MRC1: variants seen among roughly 807,000 people sequenced by gnomAD.
MRC1 encodes macrophage mannose receptor 1.
MRC1 carries 62 observed loss-of-function variants against 102.9 expected under a neutral mutation model. That is an observed-to-expected ratio of 0.60 (90% CI 0.49 to 0.74). The LOEUF is 0.74. Ranked by LOEUF, MRC1 falls within the 30% of genes least tolerant of loss-of-function variation. The pLI, the probability that MRC1 is intolerant of heterozygous loss-of-function variation, is 0.00. For missense variants in MRC1, 1,237 were observed against 862.8 expected, an observed-to-expected ratio of 1.43 and a Z score of -5.43; for synonymous variants, 457 against 298.4, an observed-to-expected ratio of 1.53 and a Z score of -5.48.
At chr10:17,811,957 C>T (rs948893233) in intron 1 of MRC1, among the ~76,000 whole-genome samples, 3 of 152,238 alleles carry the variant, frequency 2.0e-5, no homozygotes, top group Admixed American at 6.5e-5. Flanking sequence ...AGGCAGGGCA[C>T]CTGCTTAGTT....
chr10:17,840,585 C>A, intron 4 of MRC1, 108 bp from the exon 5 acceptor site: 1 of 740,008 alleles, frequency 1.4e-6, no homozygotes, highest in Non-Finnish European at 2.5e-6. Context: ...ATTATTGTTA[C>A]TTCCCTCAGT....
At position 17,831,281 on chromosome 10, in the gene MRC1, T is replaced by C. The variant is rs1184299230; in HGVS notation, c.638-2394T>C. 3.3e-5 allele frequency among the ~76,000 whole-genome samples: 5 copies of C among 151,244 alleles called. 1 individual carries two copies. The highest frequency in any genetic ancestry group is 1.2e-4 in the African/African-American group (5 of 40,586). On this transcript the variant is annotated intron_variant, in intron 3 of 29. Transcript: ENST00000569591. ...CTCTATCTTCAAATATACCCCAAAT[T>C]AGTCTTATTTGAATGGTCTCACCGA...
In MRC1 at chr10:17,870,330, A is replaced by T; in HGVS notation, c.2068A>T (p.Ile690Phe). 1.3e-6 allele frequency: 1 copy of T among 780,542 alleles called. No homozygotes were observed. Among genetic ancestry groups the T allele is most frequent in the Non-Finnish European group, 2.4e-6 (1 of 417,710 alleles). 48.4% of individuals were successfully genotyped at this position (780,542 alleles called of 1,614,324 possible). A position where few individuals can be genotyped will look rare whatever the true frequency, so the allele number is the denominator to read the frequency against. ...CRALGGDLAS[I>F]NNKEEQQTIW... ...AGCTCTGGGTGGAGACTTAGCTAGC[A>T]TCAATAACAAAGAGGAACAGCAAAC... The change falls in exon 13 of 30, where the codon ATC becomes TTC. Residue 690 changes from isoleucine to phenylalanine, a missense_variant. Transcript: ENST00000569591.
chr10:17,863,825 GTTTTTTCTTTTCTTCCT>G, intron 11 of MRC1, 143 bp downstream of exon 11: 2 of 640,734 alleles, frequency 3.1e-6, no homozygotes, highest in East Asian at 2.6e-5. Context: ...TTCTCTTTTC[GTTTTTTCTTTTCTTCCT>G]TTTTTTCTTT....
In MRC1 at chr10:17,879,746, T is replaced by C; in HGVS notation, c.2644T>C (p.Tyr882His). The change falls in exon 19 of 30, where the codon TAC becomes CAC. Residue 882 changes from tyrosine (Y) to histidine (H), a missense_variant. Coordinates refer to ENST00000569591, the MANE Select transcript of MRC1 (RefSeq NM_002438.4). ...TTGGATGGATGGAAGCAAAGTGGAT[T>C]ACGTGTCTTGGGCCACAGGTGAACC... The part of the protein sequence containing the change: ...FAWMDGSKVD[Y>H]VSWATGEPNF... 1 of 780,884 alleles carries C rather than the reference T, an allele frequency of 1.3e-6. No individual in the cohort carries two copies. Among genetic ancestry groups the C allele is most frequent in the Admixed American group, 1.7e-5 (1 of 59,024 alleles). The allele number at this position is 780,884 out of a possible 1,614,324, so 48.4% of individuals were successfully genotyped here.
chr10:17,833,745 C>T lies in MRC1; in HGVS notation c.708C>T (p.Ser236=), dbSNP rs782026482. The T allele has an allele frequency of 6.8e-5, 53 of 780,942 alleles. 2 individuals are homozygous for T. The highest frequency in any genetic ancestry group is 1.1e-4 in the Non-Finnish European group (45 of 418,140). The allele number at this position is 780,942 out of a possible 1,614,324, so 48.4% of individuals were successfully genotyped here. Residue 236 remains serine, a synonymous_variant, in exon 4 of 30, where the codon TCC becomes TCT. Coordinates refer to ENST00000569591, the MANE Select transcript of MRC1 (RefSeq NM_002438.4). ...TTTCCTACCAGATAAACTCCAAATC[C>T]GCTTTAACGTGGCACCAGGCGAGGA... is the stretch of plus-strand genomic sequence containing the variant. ...TSVSYQINSK[S]ALTWHQARKS...
At chr10:17,823,001 C>A (rs1838418379) in intron 1 of MRC1, 73 bp from the exon 2 acceptor site, 1 of 760,540 alleles carries the variant, frequency 1.3e-6, no homozygotes, top group African/African-American at 1.7e-5. Flanking sequence ...CCTAAAAGAT[C>A]GTCCTTGTTA....
chr10:17,846,105 G>A (rs1045564936), intron 6 of MRC1, among the ~76,000 whole-genome samples: 12 of 152,036 alleles, frequency 7.9e-5, no homozygotes, highest in Admixed American at 2.0e-4. Context: ...ATGGTGTTTC[G>A]CTGTGTTGGC....
chr10:17,844,301 C>A (rs1838793642), intron 5 of MRC1, among the ~76,000 whole-genome samples: 1 of 152,146 alleles, frequency 6.6e-6, no homozygotes, highest in Non-Finnish European at 1.5e-5. Flanking sequence ...TCACTGCAAC[C>A]TCTGCCTCCC....
chr10:17,852,270 C>A (rs889532813), intron 7 of MRC1, among the ~76,000 whole-genome samples: 15 of 152,178 alleles, frequency 9.9e-5, no homozygotes, highest in African/African-American at 3.4e-4. Flanking sequence ...GTTTTACCCT[C>A]ATTTGTTATT....
chr10:17,822,512 T>C (rs1205641274), intron 1 of MRC1, among the ~76,000 whole-genome samples: 1 of 152,154 alleles, frequency 6.6e-6, no homozygotes, highest in Non-Finnish European at 1.5e-5. Context: ...TCCCAGCTAC[T>C]TGGGAGGCTG....
intron 11 of MRC1, among the ~76,000 whole-genome samples, chr10:17,865,909 G>A (rs2130667883): frequency 6.6e-6 from 1 of 152,288 alleles, no homozygotes; most frequent in African/African-American, 2.4e-5. Flanking sequence ...CATTGTAGCA[G>A]CAAAGAATCC....
At chr10:17,864,290 A>G (rs1442232189) in intron 11 of MRC1, among the ~76,000 whole-genome samples, 2 of 152,196 alleles carry the variant, frequency 1.3e-5, no homozygotes, top group East Asian at 3.9e-4. Flanking sequence ...GGCATGAGCC[A>G]CTGCGCATGT....
Position 17,909,392 on chromosome 10 carries a change from C to T in MRC1, c.4120+45C>T, listed in dbSNP as rs565771271. On this transcript the variant is annotated intron_variant, in intron 29 of 29. Coordinates refer to ENST00000569591, the MANE Select transcript of MRC1 (RefSeq NM_002438.4). ...TCAAGTTCTGTGTTAGTAATACATC[C>T]GTACTGTTTGTTTTAAAAGGCATAA... The T allele has an allele frequency of 5.0e-5, 42 of 835,236 alleles. No homozygotes were observed. The East Asian group carries it at 6.5e-4, about 13-fold the overall frequency. 51.7% of individuals were successfully genotyped at this position (835,236 alleles called of 1,614,324 possible). A position where few individuals can be genotyped will look rare whatever the true frequency, so the allele number is the denominator to read the frequency against.
At position 17,877,906 on chromosome 10, in the gene MRC1, A is replaced by G. The variant is rs977510161; in HGVS notation, c.2557A>G (p.Arg853Gly). 774 of 872,280 alleles carry G rather than the reference A, an allele frequency of 8.9e-4. 3 individuals are homozygous for G. The highest frequency in any genetic ancestry group is 1.4e-3 in the Non-Finnish European group (697 of 501,252). 54.0% of individuals were successfully genotyped at this position (872,280 alleles called of 1,614,324 possible). A position where few individuals can be genotyped will look rare whatever the true frequency, so the allele number is the denominator to read the frequency against. The change falls in exon 18 of 30, where the codon AGA (arginine) becomes GGA (glycine). Residue 853 changes from arginine (R) to glycine (G), a missense_variant. Transcript: ENST00000569591. ...EKKFLWKYVN[R>G]NDAQSAYFIG... Reference sequence around the variant, plus strand: ...GTAAACTTCCATGTTTCAGGTAAACAGAAATGATGCACAGTCTGCATATTT... The same window carrying G: ...GTAAACTTCCATGTTTCAGGTAAACGGAAATGATGCACAGTCTGCATATTT...
intron 1 of MRC1, among the ~76,000 whole-genome samples, chr10:17,810,552 C>G (rs1159591908): frequency 2.0e-5 from 3 of 152,192 alleles, no homozygotes; most frequent in Non-Finnish European, 4.4e-5. Context: ...CTCTCACTCA[C>G]TAGCTTTGCG....
At chr10:17,833,519 T>TGAA (rs1838612313) in intron 3 of MRC1, among the ~76,000 whole-genome samples, 156 bp from the exon 4 acceptor site, 5 of 45,438 alleles carry the variant, frequency 1.1e-4, no homozygotes, top group Non-Finnish European at 2.5e-4. Flanking sequence ...AGACTCTGTC[T>TGAA]CAAAAAAAAA....
chr10:17,832,883 C>T (rs1554839170), intron 3 of MRC1, among the ~76,000 whole-genome samples: 1 of 152,018 alleles, frequency 6.6e-6, no homozygotes, highest in Non-Finnish European at 1.5e-5. Context: ...GCCGCTGTGC[C>T]CGGCTATTTT....
chr10:17,838,583 A>AC (rs1838704864), intron 4 of MRC1, among the ~76,000 whole-genome samples: 2 of 152,036 alleles, frequency 1.3e-5, no homozygotes, highest in East Asian at 3.8e-4. Context: ...AGTAAAAAAA[A>AC]CAGTGTAATA....
Sources: gnomAD v4.1 joint callset for allele counts (sites outside exome capture counted in the v4.1 genomes callset) on GRCh38, gnomAD v4.1.1 for gene constraint, MANE v1.5 for transcripts, NCBI Gene and HGNC (gene_info 2026-07-23, HGNC 2026-07-21) for gene names.